NXPH1: variants seen among roughly 807,000 people sequenced by gnomAD.
NXPH1 encodes the protein neurexophilin-1.
A neutral mutation model predicts 23.7 loss-of-function variants in NXPH1; 5 were observed. The ratio of observed to expected loss-of-function variants is 0.21; its 90% confidence interval spans 0.11 to 0.44. The LOEUF is 0.44. Ranked by LOEUF, NXPH1 falls within the 20% of genes least tolerant of loss-of-function variation. The pLI is 0.99. For synonymous variants in NXPH1, 144 were observed against 122.2 expected (o/e 1.18, Z -1.18); for missense variants, 324 against 321.6 (o/e 1.01, Z -0.06).
chr7:8,435,542 T>G lies in NXPH1; in HGVS notation c.-110-62T>G. The G allele has an allele frequency of 5.2e-6, 3 of 581,860 alleles. No homozygotes were observed. Among genetic ancestry groups the G allele is most frequent in the Non-Finnish European group, 3.1e-6 (1 of 319,388 alleles). The allele number at this position is 581,860 out of a possible 1,614,324, so 36.0% of individuals were successfully genotyped here. A position where few individuals can be genotyped will look rare whatever the true frequency, so the allele number is the denominator to read the frequency against. On this transcript the variant is annotated intron_variant, in intron 1 of 2. Coordinates refer to ENST00000405863, the MANE Select transcript of NXPH1 (RefSeq NM_152745.3). This position sits in a 1 kb window ranked among gnomAD's most constrained non-coding sequence, Gnocchi z 5.9. ...CCCCGCTACGACCCCCTTTCCCCGC[T>G]TGATTGTCAAGCCTAACCTTGCCCG...
intron 2 of NXPH1, among the ~76,000 whole-genome samples, chr7:8,735,655 A>T (rs898150521): frequency 6.6e-6 from 1 of 152,196 alleles, no homozygotes; most frequent in African/African-American, 2.4e-5. Context: ...GCCTCATAAA[A>T]TGAGTTAGGG....
At chr7:8,615,231 C>A (rs1229836058) in intron 2 of NXPH1, among the ~76,000 whole-genome samples, 1 of 152,006 alleles carries the variant, frequency 6.6e-6, no homozygotes, top group Non-Finnish European at 1.5e-5. Context: ...GGAGCTAAAT[C>A]TTTAATAAAA....
At chr7:8,615,996 G>A (rs1252619567) in intron 2 of NXPH1, among the ~76,000 whole-genome samples, 1 of 152,040 alleles carries the variant, frequency 6.6e-6, no homozygotes, top group Non-Finnish European at 1.5e-5. Context: ...TCTCCGCATA[G>A]CAGCCAGAGT....
chr7:8,530,838 G>C (rs1817939747), intron 2 of NXPH1, among the ~76,000 whole-genome samples: 1 of 152,166 alleles, frequency 6.6e-6, no homozygotes, highest in Admixed American at 6.5e-5. Context: ...GTTGGCAAAA[G>C]CTTTGTCTAT....
At chr7:8,503,545 A>C (rs1326984781) in intron 2 of NXPH1, among the ~76,000 whole-genome samples, 2 of 151,946 alleles carry the variant, frequency 1.3e-5, no homozygotes, top group Non-Finnish European at 2.9e-5. Context: ...TTTCTGCCTT[A>C]ACTATTTCTT....
At chr7:8,466,292 A>G (rs1171027249) in intron 2 of NXPH1, among the ~76,000 whole-genome samples, 1 of 152,216 alleles carries the variant, frequency 6.6e-6, no homozygotes. Flanking sequence ...TATATTAAAT[A>G]CAACGCTAGT....
intron 2 of NXPH1, among the ~76,000 whole-genome samples, chr7:8,646,920 G>A (rs1448421321): frequency 2.0e-5 from 3 of 151,812 alleles, no homozygotes; most frequent in Non-Finnish European, 4.4e-5. Context: ...GTAGGAACTG[G>A]GCATGGGGAG....
chr7:8,504,590 G>GTTCTCC (rs1817491106), intron 2 of NXPH1, among the ~76,000 whole-genome samples: 1 of 152,034 alleles, frequency 6.6e-6, no homozygotes, highest in African/African-American at 2.4e-5. Context: ...AATAGTAAAT[G>GTTCTCC]AATGGAGAAC....
intron 2 of NXPH1, among the ~76,000 whole-genome samples, chr7:8,645,321 C>A (rs1441008382): frequency 6.6e-6 from 1 of 152,024 alleles, no homozygotes; most frequent in African/African-American, 2.4e-5. Flanking sequence ...TCTCCCTCAG[C>A]AATATTTTCA....
chr7:8,611,571 A>G (rs533541515), intron 2 of NXPH1, among the ~76,000 whole-genome samples: 1 of 152,254 alleles, frequency 6.6e-6, no homozygotes, highest in African/African-American at 2.4e-5. Flanking sequence ...TGAAAATCCT[A>G]AGTATTTGAT....
In NXPH1 at chr7:8,717,911, T is replaced by C. The variant is rs889139769; in HGVS notation, c.55-33097T>C. Among the ~76,000 whole-genome samples, 10 of 151,064 alleles carry C rather than the reference T, an allele frequency of 6.6e-5. 1 individual carries two copies. The highest frequency in any genetic ancestry group is 4.2e-4 in the South Asian group (2 of 4,778). ...CTCTGTGTGTATATATATATATATA[T>C]ACACAACATGTAGATATGCATGTGT... On this transcript the variant is annotated intron_variant, in intron 2 of 2. Coordinates refer to ENST00000405863, the MANE Select transcript of NXPH1 (RefSeq NM_152745.3).
intron 2 of NXPH1, among the ~76,000 whole-genome samples, chr7:8,588,319 CA>C (rs1819020312): frequency 6.6e-6 from 1 of 152,078 alleles, no homozygotes; most frequent in Non-Finnish European, 1.5e-5. Flanking sequence ...ATGTTAAATA[CA>C]TTGTATTAAA....
intron 2 of NXPH1, among the ~76,000 whole-genome samples, chr7:8,489,745 G>T (rs1242008841): frequency 6.6e-6 from 1 of 152,104 alleles, no homozygotes; most frequent in African/African-American, 2.4e-5. Context: ...CATGTTGAAA[G>T]GACCTGCCTT....
At chr7:8,664,329 A>G (rs1327689277) in intron 2 of NXPH1, among the ~76,000 whole-genome samples, 1 of 152,062 alleles carries the variant, frequency 6.6e-6, no homozygotes, top group Non-Finnish European at 1.5e-5. Flanking sequence ...CAACTTGTTT[A>G]AAAGTAATCT....
At chr7:8,459,859 C>T (rs1317134241) in intron 2 of NXPH1, among the ~76,000 whole-genome samples, 2 of 152,222 alleles carry the variant, frequency 1.3e-5, no homozygotes, top group South Asian at 2.1e-4. Flanking sequence ...CGAATGAATT[C>T]GTGAATGAAC....
chr7:8,573,453 A>G (rs1261681178), intron 2 of NXPH1, among the ~76,000 whole-genome samples: 1 of 152,198 alleles, frequency 6.6e-6, no homozygotes. Flanking sequence ...TTGAAGAGTC[A>G]ACAGATAGAG....
intron 2 of NXPH1, among the ~76,000 whole-genome samples, chr7:8,520,728 C>G (rs1458455244): frequency 6.6e-6 from 1 of 152,134 alleles, no homozygotes; most frequent in Non-Finnish European, 1.5e-5. Context: ...AACAGTGTTT[C>G]AGTTCTGAGC....
chr7:8,702,171 G>A (rs946738898), intron 2 of NXPH1, among the ~76,000 whole-genome samples: 10 of 151,826 alleles, frequency 6.6e-5, no homozygotes, highest in Non-Finnish European at 1.2e-4. Flanking sequence ...GTGCTTTTTG[G>A]TATCTCAAAG....
At chr7:8,701,133 C>A (rs1779617883) in intron 2 of NXPH1, among the ~76,000 whole-genome samples, 1 of 151,992 alleles carries the variant, frequency 6.6e-6, no homozygotes, top group Non-Finnish European at 1.5e-5. Context: ...ATCTCCAAGG[C>A]CAAACTTCTC....
Sources: allele counts gnomAD v4.1 joint callset (sites outside exome capture counted in the v4.1 genomes callset), GRCh38; gene constraint gnomAD v4.1.1; non-coding constraint Gnocchi (gnomAD v3.1); transcripts MANE v1.5; gene names NCBI Gene and HGNC (gene_info 2026-07-23, HGNC 2026-07-21).